The following FBH1 variants were observed in gnomAD, a reference collection of about 807,000 sequenced individuals.
The protein encoded by FBH1 is F-box DNA helicase 1.
A neutral mutation model predicts 115.5 loss-of-function variants in FBH1; 43 were observed. That is an observed-to-expected ratio of 0.37 (90% CI 0.29 to 0.48). The LOEUF is 0.48. FBH1 is among the 20% of genes least tolerant of loss of function. FBH1 has a pLI of 0.99. For missense variants in FBH1, 1,001 were observed against 1,337.3 expected, an observed-to-expected ratio of 0.75 and a Z score of 3.92; for synonymous variants, 524 against 507.8, an observed-to-expected ratio of 1.03 and a Z score of -0.43.
In FBH1 at chr10:5,906,419, C is replaced by T. The variant is rs201891050; in HGVS notation, c.540C>T (p.Thr180=). ...TSRLSAESGE[T]DQDAGDVGPD... ...GGCTCTCTGCGGAGTCTGGTGAAAC[C>T]GACCAAGATGCTGGGGACGTGGGTC... The change falls in exon 3 of 21, where the codon ACC becomes ACT. Residue 180 remains threonine, a synonymous_variant. Coordinates refer to ENST00000362091, the MANE Select transcript of FBH1 (RefSeq NM_178150.3). This position sits in a 1 kb window ranked among gnomAD's most constrained non-coding sequence, Gnocchi z 7.3. 3.3e-5 allele frequency: 54 copies of T among 1,614,184 alleles called. No homozygotes were observed. Among genetic ancestry groups the T allele is most frequent in the Admixed American group, 1.7e-4 (10 of 60,018 alleles).
intron 1 of FBH1, among the ~76,000 whole-genome samples, chr10:5,898,893 C>T (rs540438948): frequency 3.1e-4 from 47 of 152,310 alleles, no homozygotes; most frequent in Non-Finnish European, 5.1e-4. Flanking sequence ...ACTGTCTTTT[C>T]GACTCTCAGG....
In FBH1 at chr10:5,890,269, C is replaced by G. The variant is rs1842618459; in HGVS notation, c.-77C>G. On this transcript the variant is annotated 5_prime_UTR_variant, in exon 1 of 21. Transcript: ENST00000362091. Reference sequence around the variant, plus strand: ...TCCCGGCCAGAGGAGGAGCTCGCTGCCGGGGGACGCTGGGCTGAGCGGCCG... The same window carrying G: ...TCCCGGCCAGAGGAGGAGCTCGCTGGCGGGGGACGCTGGGCTGAGCGGCCG... 2 of 369,028 alleles carry G rather than the reference C, an allele frequency of 5.4e-6. No individual in the cohort carries two copies. The highest frequency in any genetic ancestry group is 1.0e-5 in the Non-Finnish European group (2 of 197,534). 22.9% of individuals were successfully genotyped at this position (369,028 alleles called of 1,614,324 possible).
intron 1 of FBH1, among the ~76,000 whole-genome samples, chr10:5,890,584 G>C (rs1842648297): frequency 6.6e-6 from 1 of 151,700 alleles, no homozygotes; most frequent in Non-Finnish European, 1.5e-5. Context: ...GAACTCGGTC[G>C]GGAGCGGCCC....
Position 5,925,415 on chromosome 10 carries a change from CTG to C in FBH1, c.2648_2649del (p.Val883AlafsTer5). On this transcript the variant is annotated frameshift_variant, in exon 18 of 21. Coordinates refer to ENST00000362091, the MANE Select transcript of FBH1 (RefSeq NM_178150.3). LOFTEE classifies it high-confidence loss of function. The surrounding 1 kb of genome is among the most constrained non-coding windows in gnomAD (Gnocchi z 4.6). Reference sequence around the variant, plus strand: ...AAAGCCAAAGGCCTGGAGTTTGACACTGTGCATGTTTTGGATGATTTTGTGAA... The same window carrying C: ...AAAGCCAAAGGCCTGGAGTTTGACACTGCATGTTTTGGATGATTTTGTGAA... 1 of 1,614,242 alleles carries C rather than the reference CTG, an allele frequency of 6.2e-7. No homozygotes were observed. The highest frequency in any genetic ancestry group is 8.5e-7 in the Non-Finnish European group (1 of 1,180,060).
rs796579079 is a variant in FBH1 at position 5,917,129 on chromosome 10, A to C, written c.1789-291A>C. ...GTGCCATTGTTTTTGTGAATTAAGC[A>C]TCAGTCATAAATCTAGAAGAACAAT... On this transcript the variant is annotated intron_variant, in intron 10 of 20. Coordinates refer to ENST00000362091, the MANE Select transcript of FBH1 (RefSeq NM_178150.3). The surrounding 1 kb of genome is among the most constrained non-coding windows in gnomAD (Gnocchi z 5.6). 6 of 366,614 alleles carry C rather than the reference A, an allele frequency of 1.6e-5. No individual in the cohort carries two copies. The highest frequency in any genetic ancestry group is 1.2e-4 in the African/African-American group (6 of 49,338). 22.7% of individuals were successfully genotyped at this position (366,614 alleles called of 1,614,324 possible). A position where few individuals can be genotyped will look rare whatever the true frequency, so the allele number is the denominator to read the frequency against.
rs576002252 is a variant in FBH1, at chr10:5,890,514, C to G, written c.1+168C>G. 1.2e-4 allele frequency among the ~76,000 whole-genome samples: 18 copies of G among 149,950 alleles called. No individual in the cohort carries two copies. In the South Asian group the frequency reaches 3.6e-3, roughly 30 times the overall value. On this transcript the variant is annotated intron_variant, in intron 1 of 20. Transcript: ENST00000362091. ...GCGCGGGCGTGGGGGCTCGGCCGTCCGGGCCGTGGGCAGGTGGAGGGCGCG... is the reference window on the plus strand; with the variant it reads ...GCGCGGGCGTGGGGGCTCGGCCGTCGGGGCCGTGGGCAGGTGGAGGGCGCG...
intron 3 of FBH1, among the ~76,000 whole-genome samples, chr10:5,907,846 A>G (rs1843810084): frequency 6.6e-6 from 1 of 152,180 alleles, no homozygotes; most frequent in Non-Finnish European, 1.5e-5. Flanking sequence ...TTCTGGTTAC[A>G]TTCCATTGTG....
At chr10:5,902,432 G>T (rs1272145140) in intron 1 of FBH1, among the ~76,000 whole-genome samples, 2 of 152,148 alleles carry the variant, frequency 1.3e-5, no homozygotes, top group South Asian at 2.1e-4. Context: ...AATATAAATG[G>T]CCTGGAGAAA....
rs558961654 is a variant in FBH1, at chr10:5,895,114, G to T, written c.1+4768G>T. The stretch of plus-strand genomic sequence containing the variant: ...GTGATAATGGGCTACATTGCGCAGG[G>T]CCCCTGGGCCATCTCCACAGGAGAT... On this transcript the variant is annotated intron_variant, in intron 1 of 20. Coordinates refer to ENST00000362091, the MANE Select transcript of FBH1 (RefSeq NM_178150.3). The surrounding 1 kb of genome is among the most constrained non-coding windows in gnomAD (Gnocchi z 5.0). 1.9e-6 allele frequency: 3 copies of T among 1,613,956 alleles called. No individual in the cohort carries two copies. Among genetic ancestry groups the T allele is most frequent in the Middle Eastern group, 3.3e-4 (2 of 6,084 alleles).
At chr10:5,902,955 C>T in intron 1 of FBH1, 65 bp from the exon 2 acceptor site, 2 of 1,487,180 alleles carry the variant, frequency 1.3e-6, no homozygotes, top group South Asian at 2.7e-5. Context: ...AATGTGCTGG[C>T]TAGCTTGTAG....
rs1457124428 is a variant in FBH1 at position 5,921,141 on chromosome 10, C to A, written c.2101-117C>A. 3 of 858,506 alleles carry A rather than the reference C, an allele frequency of 3.5e-6. No individual in the cohort carries two copies. The highest frequency in any genetic ancestry group is 3.7e-6 in the Non-Finnish European group (2 of 546,114). The allele number at this position is 858,506 out of a possible 1,614,324, so 53.2% of individuals were successfully genotyped here. ...GAGCCTGTGAAGTTCGCTTTCCATG[C>A]GGGGGGTCAGGAACAACTTGTAGGG... On this transcript the variant is annotated intron_variant, in intron 13 of 20. Transcript: ENST00000362091. This position sits in a 1 kb window ranked among gnomAD's most constrained non-coding sequence, Gnocchi z 6.4.
intron 19 of FBH1, among the ~76,000 whole-genome samples, chr10:5,930,179 C>G (rs1175558292): frequency 6.6e-6 from 1 of 152,172 alleles, no homozygotes; most frequent in Admixed American, 6.5e-5. Flanking sequence ...AACTACCATG[C>G]CATTTTCGTA....
rs547097142 is a variant in FBH1 at position 5,909,312 on chromosome 10, G to A, written c.1020+18G>A. The A allele has an allele frequency of 1.5e-5, 24 of 1,599,994 alleles. No homozygotes were observed. Among genetic ancestry groups the A allele is most frequent in the African/African-American group, 8.0e-5 (6 of 74,864 alleles). ...CTGCCGGGGTAGGTCTGGAGGCTGC[G>A]GGAGAAGGCGGCATGTTATTTCACT... On this transcript the variant is annotated intron_variant, in intron 5 of 20. Coordinates refer to ENST00000362091, the MANE Select transcript of FBH1 (RefSeq NM_178150.3). The surrounding 1 kb of genome is among the most constrained non-coding windows in gnomAD (Gnocchi z 4.4).
intron 15 of FBH1, among the ~76,000 whole-genome samples, chr10:5,922,206 G>GT (rs1178889704): frequency 6.6e-6 from 1 of 152,148 alleles, no homozygotes; most frequent in East Asian, 1.9e-4. Flanking sequence ...ATCAAAAGGT[G>GT]TTTTAAGTTT....
chr10:5,903,364 C>G (rs962813340), intron 2 of FBH1, among the ~76,000 whole-genome samples, 189 bp downstream of exon 2: 5 of 140,810 alleles, frequency 3.6e-5, no homozygotes, highest in African/African-American at 1.3e-4. Context: ...GAGTTTCAAT[C>G]TTGTTGCCCT....
At chr10:5,920,584 T>C (rs994602684) in intron 13 of FBH1, among the ~76,000 whole-genome samples, 4 of 152,260 alleles carry the variant, frequency 2.6e-5, no homozygotes, top group East Asian at 1.9e-4. Context: ...ATTTATGTTA[T>C]AATTTCGGTT....
rs928214059 is a variant in FBH1, at chr10:5,930,658, C to A, written c.2829+3117C>A. On this transcript the variant is annotated intron_variant, in intron 19 of 20. Coordinates refer to ENST00000362091, the MANE Select transcript of FBH1 (RefSeq NM_178150.3). ...CCCGTTAGTGATGCTGATTGCTCAT[C>A]TTTTGAAGAGGCACAGCTAGGAAAT... Among the ~76,000 whole-genome samples the A allele has an allele frequency of 1.2e-4, 19 of 152,134 alleles. 1 individual carries two copies. The highest frequency in any genetic ancestry group is 1.0e-3 in the Admixed American group (16 of 15,274).
intron 13 of FBH1, among the ~76,000 whole-genome samples, chr10:5,919,583 G>A (rs1467999995): frequency 6.6e-6 from 1 of 152,182 alleles, no homozygotes; most frequent in Non-Finnish European, 1.5e-5. Flanking sequence ...AAGCTCTTTG[G>A]AGGCTTTTTA....
chr10:5,896,110 C>G (rs918688311), intron 1 of FBH1, among the ~76,000 whole-genome samples: 2 of 152,202 alleles, frequency 1.3e-5, no homozygotes, highest in Admixed American at 6.5e-5. Context: ...TTGTTTCCCC[C>G]TTGTGCACTT....
Sources: allele counts gnomAD v4.1 joint callset (sites outside exome capture counted in the v4.1 genomes callset), GRCh38; gene constraint gnomAD v4.1.1; non-coding constraint Gnocchi (gnomAD v3.1); transcripts MANE v1.5; gene names NCBI Gene and HGNC (gene_info 2026-07-23, HGNC 2026-07-21).